The following ARFGEF1 variants were observed in gnomAD, a reference collection of about 807,000 sequenced individuals.
The protein encoded by ARFGEF1 is ARF guanine nucleotide exchange factor 1.
ARFGEF1 carries 42 observed loss-of-function variants against 231.0 expected under a neutral mutation model. That is an observed-to-expected ratio of 0.18 (90% CI 0.14 to 0.24). The LOEUF (loss-of-function observed/expected upper bound fraction) is 0.24. Ranked by LOEUF, ARFGEF1 falls within the 10% of genes least tolerant of loss-of-function variation. The pLI is 1.00. For missense variants in ARFGEF1, 1,345 were observed against 2,192.0 expected, an observed-to-expected ratio of 0.61 and a Z score of 7.72; for synonymous variants, 710 against 732.3, an observed-to-expected ratio of 0.97 and a Z score of 0.49.
At chr8:67,266,845 C>A (rs1357415435) in intron 13 of ARFGEF1, 31 bp downstream of exon 13, 6 of 1,561,510 alleles carry the variant, frequency 3.8e-6, no homozygotes, top group Admixed American at 1.8e-5. Flanking sequence ...CTTAAAATGA[C>A]AAAGAATTAC....
At chr8:67,289,930 C>T (rs917729523) in intron 6 of ARFGEF1, among the ~76,000 whole-genome samples, 2 of 152,014 alleles carry the variant, frequency 1.3e-5, no homozygotes, top group Non-Finnish European at 2.9e-5. Context: ...TAAAAGTGTA[C>T]GAAATGACTA....
At chr8:67,175,588 A>AGTTC (rs1831424285) in intron 5 of ARFGEF1, 2 of 853,644 alleles carry the variant, frequency 2.3e-6, no homozygotes, top group Non-Finnish European at 3.9e-6. Context: ...GTACCAGAAA[A>AGTTC]GAACAAGTAT....
At chr8:67,196,926 TTATC>T (rs1838028553), downstream of ARFGEF1, among the ~76,000 whole-genome samples, 1 of 152,218 alleles carries the variant, frequency 6.6e-6, no homozygotes. Context: ...TAACTGTTCA[TTATC>T]TAAGAGAGGT....
chr8:67,308,229 G>T (rs561125748), intron 1 of ARFGEF1, among the ~76,000 whole-genome samples: 14 of 152,294 alleles, frequency 9.2e-5, no homozygotes, highest in Middle Eastern at 6.8e-3. Context: ...CTGACACACA[G>T]AACCTGTAAG....
At chr8:67,202,198 T>C (rs1468553059) in intron 36 of ARFGEF1, among the ~76,000 whole-genome samples, 2 of 152,226 alleles carry the variant, frequency 1.3e-5, no homozygotes, top group Non-Finnish European at 2.9e-5. Context: ...TTCTCTGCCT[T>C]ATTCTGCAGC....
intron 14 of ARFGEF1, among the ~76,000 whole-genome samples, chr8:67,263,992 T>C (rs1804745804): frequency 6.6e-6 from 1 of 152,038 alleles, no homozygotes; most frequent in Non-Finnish European, 1.5e-5. Context: ...CAGTATTATA[T>C]AATAAATAGT....
At chr8:67,288,144 C>T in intron 6 of ARFGEF1, 79 bp from the exon 7 acceptor site, 1 of 818,820 alleles carries the variant, frequency 1.2e-6, no homozygotes, top group South Asian at 2.5e-5. Context: ...GATGAAAAAA[C>T]TCCTAAATCA....
Position 67,201,596 on chromosome 8 carries a change from C to T in ARFGEF1, c.5138G>A (p.Gly1713Asp). 3 of 1,613,138 alleles carry T rather than the reference C, an allele frequency of 1.9e-6. No homozygotes were observed. Among genetic ancestry groups the T allele is most frequent in the Non-Finnish European group, 2.5e-6 (3 of 1,179,782 alleles). ...RTALWKAGFK[G>D]KSKPNLLKQE... ...CTTCAGAAGGTTGGGCTTGGATTTGCCTTTGAATCCTGCAGAAAAGGGAAG... is the reference window on the plus strand; with the variant it reads ...CTTCAGAAGGTTGGGCTTGGATTTGTCTTTGAATCCTGCAGAAAAGGGAAG... The change falls in exon 37 of 39, where the codon GGC becomes GAC. Residue 1713 changes from glycine (G) to aspartate (D), a missense_variant. By Grantham distance (94) the Gly-to-Asp change is moderately conservative (BLOSUM62 -1). This residue lies in a region of ARFGEF1 where 161 missense variants were observed against 284.9 expected (regional missense o/e 0.57). Transcript: ENST00000262215.
chr8:67,228,735 A>G (rs942329652), intron 23 of ARFGEF1, among the ~76,000 whole-genome samples: 6 of 152,096 alleles, frequency 3.9e-5, no homozygotes, highest in African/African-American at 1.2e-4. Context: ...ATAACCTTGC[A>G]AATAGTCTCA....
chr8:67,257,087 T>G (rs1840480225), intron 17 of ARFGEF1, among the ~76,000 whole-genome samples: 1 of 152,130 alleles, frequency 6.6e-6, no homozygotes, highest in Non-Finnish European at 1.5e-5. Context: ...TGAAACATTT[T>G]TTTTTTTTGA....
chr8:67,263,522 A>C (rs1193687294), intron 14 of ARFGEF1, among the ~76,000 whole-genome samples: 1 of 152,140 alleles, frequency 6.6e-6, no homozygotes, highest in East Asian at 1.9e-4. Flanking sequence ...CCAATGCTCT[A>C]ATCTTACCTC....
At chr8:67,328,089 A>G (rs570234463) in intron 1 of ARFGEF1, among the ~76,000 whole-genome samples, 1 of 152,354 alleles carries the variant, frequency 6.6e-6, no homozygotes, top group African/African-American at 2.4e-5. Context: ...CAAGGGAAAA[A>G]GATGACAGAG....
rs36084458 is a variant in ARFGEF1, at chr8:67,177,070, CAAAAAAAAAAA to C, written c.561-1509_561-1499del. Among the ~76,000 whole-genome samples, 118 of 51,884 alleles carry C rather than the reference CAAAAAAAAAAA, an allele frequency of 2.3e-3. 1 individual carries two copies. The highest frequency in any genetic ancestry group is 8.3e-3 in the African/African-American group (115 of 13,936). The allele number at this position is 51,884 out of a possible 152,430, so 34.0% of individuals were successfully genotyped here. A position where few individuals can be genotyped will look rare whatever the true frequency, so the allele number is the denominator to read the frequency against. ...TGGGCAACAGAGTGAGACTTAGTCT[CAAAAAAAAAAA>C]AAAAAAAAAAAAGAATATGGCCTCA... On this transcript the variant is annotated intron_variant, in intron 5 of 5. Coordinates refer to the ARFGEF1 transcript ENST00000518789.
At chr8:67,311,650 C>G (rs569060697) in intron 1 of ARFGEF1, among the ~76,000 whole-genome samples, 456 of 151,642 alleles carry the variant, frequency 3.0e-3, no homozygotes, top group African/African-American at 9.2e-3. Context: ...GCCGCCCCGT[C>G]CGGGAGGTGA....
At chr8:67,318,717 G>A (rs942633091) in intron 1 of ARFGEF1, among the ~76,000 whole-genome samples, 2 of 152,192 alleles carry the variant, frequency 1.3e-5, no homozygotes, top group Non-Finnish European at 2.9e-5. Context: ...TGGTTCACCT[G>A]TAATCCCAGC....
chr8:67,193,576 A>G, downstream of ARFGEF1: 1 of 1,613,754 alleles, frequency 6.2e-7, no homozygotes, highest in African/African-American at 1.3e-5. Context: ...AGACTGAATG[A>G]ATTTCACAAT....
chr8:67,203,571 T>C (rs1838409003), intron 35 of ARFGEF1, among the ~76,000 whole-genome samples: 1 of 152,146 alleles, frequency 6.6e-6, no homozygotes, highest in Non-Finnish European at 1.5e-5. Flanking sequence ...CCCCTCCTCT[T>C]CTTTTTAGTA....
chr8:67,308,650 T>A (rs1186554706), intron 1 of ARFGEF1, among the ~76,000 whole-genome samples: 1 of 152,234 alleles, frequency 6.6e-6, no homozygotes, highest in African/African-American at 2.4e-5. Flanking sequence ...TCCCTGCTTA[T>A]GTGCTCCCAT....
At chr8:67,272,398 C>A (rs770182382) in intron 9 of ARFGEF1, among the ~76,000 whole-genome samples, 8 of 152,000 alleles carry the variant, frequency 5.3e-5, no homozygotes, top group Non-Finnish European at 1.2e-4. Flanking sequence ...GATCTCCTGA[C>A]CTCGTGATCC....
Sources: allele counts gnomAD v4.1 joint callset (sites outside exome capture counted in the v4.1 genomes callset), GRCh38; gene constraint gnomAD v4.1.1; regional missense constraint gnomAD v4.1.1; transcripts MANE v1.5; gene names NCBI Gene and HGNC (gene_info 2026-07-23, HGNC 2026-07-21).